Variants in POU2F3 observed in about 807,000 individuals in gnomAD.
POU2F3 encodes POU class 2 homeobox 3.
In POU2F3, 23 loss-of-function variants were observed where a neutral mutation model predicts 59.2. That is an observed-to-expected ratio of 0.39 (90% confidence interval 0.28 to 0.55). POU2F3 has a LOEUF of 0.55. Ranked by LOEUF, POU2F3 falls within the 20% of genes least tolerant of loss-of-function variation. The pLI, the probability that POU2F3 is intolerant of heterozygous loss-of-function variation, is 0.66. For missense variants in POU2F3, 473 were observed against 544.5 expected (o/e 0.87, Z 1.31); for synonymous variants, 190 against 214.6 (o/e 0.89, Z 1.00).
At chr11:120,248,741 A>T (rs566632613) in intron 2 of POU2F3, among the ~76,000 whole-genome samples, 1 of 152,330 alleles carries the variant, frequency 6.6e-6, no homozygotes, top group East Asian at 1.9e-4. Flanking sequence ...GTTTAAGGGC[A>T]AGAAGAAAGA....
Position 120,244,036 on chromosome 11 carries a change from C to A in POU2F3, c.29-2413C>A, listed in dbSNP as rs564175975. Among the ~76,000 whole-genome samples the A allele has an allele frequency of 2.0e-5, 3 of 152,194 alleles. No individual in the cohort carries two copies. The East Asian group carries it at 5.8e-4, about 29-fold the overall frequency. The stretch of plus-strand genomic sequence containing the variant: ...TGGGTGTTGGAGGAGAATTTGGGTT[C>A]TAGGCATGCGATTACAGTTTAGCTA... On this transcript the variant is annotated intron_variant, in intron 1 of 12. Transcript: ENST00000543440.
chr11:120,251,767 C>T (rs1939109656), intron 2 of POU2F3, among the ~76,000 whole-genome samples: 1 of 151,062 alleles, frequency 6.6e-6, no homozygotes, highest in Non-Finnish European at 1.5e-5. Context: ...CTAAGAAAAA[C>T]CAACCCCACG....
chr11:120,305,627 T>G lies in POU2F3; in HGVS notation c.628-17T>G. On this transcript the variant is annotated splice_polypyrimidine_tract_variant and intron_variant, in intron 7 of 12. Transcript: ENST00000543440. ...AGGCTGCCTCTCATGTTCCTCCCCC[T>G]CGGTCCCCACGCTTAGGGAGATGTG... 6.2e-7 allele frequency: 1 copy of G among 1,612,738 alleles called. No individual in the cohort carries two copies. The highest frequency in any genetic ancestry group is 8.5e-7 in the Non-Finnish European group (1 of 1,179,436).
chr11:120,308,933 C>T (rs1318141709), intron 9 of POU2F3, among the ~76,000 whole-genome samples: 6 of 38,664 alleles, frequency 1.6e-4, no homozygotes, highest in Admixed American at 9.0e-4. Flanking sequence ...AGCGAGACTC[C>T]GTCTCAAAAA....
chr11:120,271,881 A>G (rs911334790), intron 3 of POU2F3, among the ~76,000 whole-genome samples: 25 of 152,128 alleles, frequency 1.6e-4, no homozygotes, highest in African/African-American at 5.3e-4. Flanking sequence ...GACACGACAG[A>G]TCTTTCCTTT....
chr11:120,317,354 A>G lies in POU2F3; in HGVS notation c.1261A>G (p.Asn421Asp). Residue 421 changes from asparagine to aspartate, a missense_variant, in exon 12 of 13, where the codon AAC becomes GAC. Transcript: ENST00000543440. Reference protein sequence around the residue: ...KAAVNSASSFNSSGSWYRWNH... With the variant: ...KAAVNSASSFDSSGSWYRWNH... Reference sequence around the variant, plus strand: ...AGCAGTGAACTCCGCCTCCAGTTTTAACTCTTCAGGGTAAGGTGAAGGGGA... The same window carrying G: ...AGCAGTGAACTCCGCCTCCAGTTTTGACTCTTCAGGGTAAGGTGAAGGGGA... 6.2e-7 allele frequency: 1 copy of G among 1,614,162 alleles called. No homozygotes were observed. The highest frequency in any genetic ancestry group is 8.5e-7 in the Non-Finnish European group (1 of 1,180,024).
chr11:120,296,655 T>G (rs1941200386), intron 3 of POU2F3, among the ~76,000 whole-genome samples: 1 of 152,236 alleles, frequency 6.6e-6, no homozygotes, highest in Non-Finnish European at 1.5e-5. Context: ...GTATCTGGTT[T>G]TCTGTTCCTG....
chr11:120,309,515 C>T lies in POU2F3; in HGVS notation c.997C>T (p.Arg333Cys), dbSNP rs1200266769. The change falls in exon 10 of 13, where the codon CGC becomes TGC. Residue 333 changes from arginine (R) to cysteine (C), a missense_variant. Coordinates refer to ENST00000543440, the MANE Select transcript of POU2F3 (RefSeq NM_014352.4). Reference sequence around the variant, plus strand: ...GGTGAGGGTCTGGTTCTGCAACCGACGCCAAAAGGAGAAGCGAATCAACTG... The same window carrying T: ...GGTGAGGGTCTGGTTCTGCAACCGATGCCAAAAGGAGAAGCGAATCAACTG... ...EVVRVWFCNR[R>C]QKEKRINCPV... The T allele has an allele frequency of 2.5e-6, 4 of 1,614,052 alleles. No individual in the cohort carries two copies. Among genetic ancestry groups the T allele is most frequent in the Non-Finnish European group, 8.5e-7 (1 of 1,179,988 alleles).
intron 8 of POU2F3, 80 bp from the exon 9 acceptor site, chr11:120,307,399 T>C: frequency 1.3e-6 from 2 of 1,517,046 alleles, no homozygotes; most frequent in South Asian, 1.2e-5. Context: ...TCGGGAAGGG[T>C]TGTTGGACCT....
At chr11:120,281,305 G>A (rs909289840) in intron 3 of POU2F3, among the ~76,000 whole-genome samples, 8 of 151,720 alleles carry the variant, frequency 5.3e-5, no homozygotes, top group Admixed American at 5.3e-4. Context: ...CTGTGTCAAG[G>A]GGGTGTTAGT....
chr11:120,241,039 C>T (rs912267821), intron 1 of POU2F3, among the ~76,000 whole-genome samples: 2 of 152,142 alleles, frequency 1.3e-5, no homozygotes, highest in Non-Finnish European at 2.9e-5. Context: ...GAGAGGTGGG[C>T]ATGGAGGGAA....
chr11:120,273,018 TG>T (rs1272518858), intron 3 of POU2F3, among the ~76,000 whole-genome samples: 18 of 152,366 alleles, frequency 1.2e-4, no homozygotes, highest in Admixed American at 1.1e-3. Context: ...ATAATTTGGC[TG>T]GTTAGTTGGA....
At chr11:120,246,301 T>C (rs1365175169) in intron 1 of POU2F3, 148 bp from the exon 2 acceptor site, 2 of 824,560 alleles carry the variant, frequency 2.4e-6, no homozygotes, top group East Asian at 5.0e-5. Flanking sequence ...ATGAATATTC[T>C]AATGGTTGTA....
chr11:120,269,350 A>G lies in POU2F3; in HGVS notation c.132+106A>G, dbSNP rs1939966440. The stretch of plus-strand genomic sequence containing the variant: ...GATTAAGTACAGTTTGGGGGTGTTT[A>G]TTCACAAACCCCAACCTTTCAGGAT... On this transcript the variant is annotated intron_variant, in intron 3 of 12. Transcript: ENST00000543440. 5.2e-6 allele frequency: 5 copies of G among 968,938 alleles called. No individual in the cohort carries two copies. The Admixed American group carries it at 8.7e-5, about 17-fold the overall frequency. The allele number at this position is 968,938 out of a possible 1,614,324, so 60.0% of individuals were successfully genotyped here.
intron 1 of POU2F3, among the ~76,000 whole-genome samples, chr11:120,243,752 G>T (rs770168347): frequency 2.0e-5 from 3 of 152,174 alleles, no homozygotes; most frequent in Admixed American, 1.3e-4. Flanking sequence ...AACAGGAACA[G>T]GTTCTCAGTG....
intron 8 of POU2F3, among the ~76,000 whole-genome samples, chr11:120,306,198 G>T (rs1249489181): frequency 6.6e-6 from 1 of 152,186 alleles, no homozygotes. Context: ...GGAGACCACA[G>T]GCACGACACA....
chr11:120,248,493 C>A (rs1938960686), intron 2 of POU2F3, among the ~76,000 whole-genome samples: 1 of 152,218 alleles, frequency 6.6e-6, no homozygotes, highest in South Asian at 2.1e-4. Flanking sequence ...CTGGAATATA[C>A]AGATGGGCAT....
rs113676807 is a variant in POU2F3 at position 120,317,255 on chromosome 11, A to G, written c.1162A>G (p.Asn388Asp). ...AACGTCATCCTGTTCCCCTGGGAAC[A>G]ACAGCAGGCCTTCATCTCCTGGCTC... ...TVTSSCSPGN[N>D]SRPSSPGSGL... The change falls in exon 12 of 13, where the codon AAC becomes GAC. Residue 388 changes from asparagine to aspartate, a missense_variant. Asn to Asp is a conservative substitution (Grantham distance 23). Coordinates refer to ENST00000543440, the MANE Select transcript of POU2F3 (RefSeq NM_014352.4). 1 of 1,614,162 alleles carries G rather than the reference A, an allele frequency of 6.2e-7. No individual in the cohort carries two copies. The highest frequency in any genetic ancestry group is 8.5e-7 in the Non-Finnish European group (1 of 1,179,996).
chr11:120,254,184 T>C (rs1939235676), intron 2 of POU2F3: 1 of 152,036 alleles, frequency 6.6e-6, no homozygotes, highest in South Asian at 2.1e-4. Context: ...GCTGAAAAAG[T>C]GGAGGAAGAA....
Sources: gnomAD v4.1 joint callset for allele counts (sites outside exome capture counted in the v4.1 genomes callset) on GRCh38, gnomAD v4.1.1 for gene constraint, MANE v1.5 for transcripts, NCBI Gene and HGNC (gene_info 2026-07-23, HGNC 2026-07-21) for gene names.